The following ANAPC1 variants were observed in gnomAD, a reference collection of about 807,000 sequenced individuals.
ANAPC1 encodes anaphase promoting complex subunit 1, also known as anaphase-promoting complex subunit 1.
ANAPC1 carries 36 observed loss-of-function variants against 208.0 expected under a neutral mutation model. The ratio of observed to expected loss-of-function variants is 0.17; its 90% CI spans 0.13 to 0.23. The LOEUF (loss-of-function observed/expected upper bound fraction) is 0.23, where lower values mean the gene tolerates loss of function less well. ANAPC1 is among the 10% of genes least tolerant of loss of function. The probability of loss-of-function intolerance (pLI) is 1.00; values close to 1 mark genes in which losing one functional copy is unlikely to be tolerated. For missense variants in ANAPC1, 942 were observed against 2,011.6 expected, an observed-to-expected ratio of 0.47 and a Z score of 10.17; for synonymous variants, 378 against 695.2, an observed-to-expected ratio of 0.54 and a Z score of 7.18.
intron 16 of ANAPC1, among the ~76,000 whole-genome samples, chr2:111,844,364 T>TTC (rs1294079849): frequency 2.7e-5 from 4 of 150,522 alleles, no homozygotes; most frequent in Non-Finnish European, 5.9e-5. Flanking sequence ...AGGTCAGGAG[T>TTC]TCGAAACCAG....
At chr2:111,792,697 A>T in intron 37 of ANAPC1, 142 bp from the exon 38 acceptor site, 1 of 581,276 alleles carries the variant, frequency 1.7e-6, no homozygotes, top group Non-Finnish European at 3.0e-6. Flanking sequence ...TCACGCCTGT[A>T]ATCCCAGCAC....
At chr2:111,788,883 A>G (rs1485845622) in intron 38 of ANAPC1, among the ~76,000 whole-genome samples, 52 of 152,162 alleles carry the variant, frequency 3.4e-4, no homozygotes, top group African/African-American at 1.2e-3. Context: ...TCACGCCTGT[A>G]ATCCCAGCAC....
intron 2 of ANAPC1, among the ~76,000 whole-genome samples, chr2:111,880,076 T>C (rs748143139): frequency 2.0e-5 from 3 of 151,868 alleles, no homozygotes; most frequent in Non-Finnish European, 4.4e-5. Context: ...TGACTCACAT[T>C]ATAACACCAC....
chr2:111,838,580 G>A, intron 17 of ANAPC1, 68 bp from the exon 18 acceptor site: 2 of 1,345,520 alleles, frequency 1.5e-6, no homozygotes, highest in Non-Finnish European at 1.0e-6. Context: ...TCAACTTCAA[G>A]GATTCAGAAA....
chr2:111,779,669 G>A (rs1018965836), intron 44 of ANAPC1: 2 of 139,410 alleles, frequency 1.4e-5, no homozygotes, highest in African/African-American at 2.8e-5. Flanking sequence ...AGACTCCATC[G>A]CTACAAAAAA....
Position 111,768,124 on chromosome 2 carries a change from G to A in ANAPC1, c.*1167C>T, listed in dbSNP as rs1274440274. 6.6e-6 allele frequency: 1 copy of A among 152,200 alleles called. No individual in the cohort carries two copies. The highest frequency in any genetic ancestry group is 1.5e-5 in the Non-Finnish European group (1 of 68,046). 9.4% of individuals were successfully genotyped at this position (152,200 alleles called of 1,614,324 possible). Reference sequence around the variant, plus strand: ...GCTTCTACCAGCTTATGATCCCACTGGCCATCCAGGAAGCACAGGACACAT... The same window carrying A: ...GCTTCTACCAGCTTATGATCCCACTAGCCATCCAGGAAGCACAGGACACAT... On this transcript the variant is annotated 3_prime_UTR_variant, in exon 48 of 48. Coordinates refer to ENST00000341068, the MANE Select transcript of ANAPC1 (RefSeq NM_022662.4).
intron 28 of ANAPC1, among the ~76,000 whole-genome samples, chr2:111,813,393 T>C (rs1679088894): frequency 6.6e-6 from 1 of 152,132 alleles, no homozygotes; most frequent in African/African-American, 2.4e-5. Context: ...TCCTTATGGC[T>C]CCATTATGGC....
chr2:111,870,583 A>G (rs757360834), intron 6 of ANAPC1, among the ~76,000 whole-genome samples: 3 of 152,122 alleles, frequency 2.0e-5, no homozygotes, highest in Non-Finnish European at 2.9e-5. Context: ...TGAGTTCCTT[A>G]TATATTCTGG....
At chr2:111,879,120 T>G in intron 2 of ANAPC1, 149 bp from the exon 3 acceptor site, 1 of 828,054 alleles carries the variant, frequency 1.2e-6, no homozygotes, top group Non-Finnish European at 1.9e-6. Flanking sequence ...AGGATGTGGA[T>G]ATATGCATTA....
intron 33 of ANAPC1, among the ~76,000 whole-genome samples, chr2:111,801,698 G>T (rs1449666211): frequency 2.6e-5 from 4 of 151,260 alleles, no homozygotes; most frequent in African/African-American, 9.7e-5. Flanking sequence ...GTTGGGAACC[G>T]TCTTACTCAT....
intron 10 of ANAPC1, among the ~76,000 whole-genome samples, chr2:111,859,027 C>A (rs925070211): frequency 6.6e-5 from 10 of 152,180 alleles, no homozygotes; most frequent in Non-Finnish European, 1.0e-4. Flanking sequence ...ACTAAGCCAC[C>A]TACTTGTAAA....
At chr2:111,844,556 C>A in intron 16 of ANAPC1, among the ~76,000 whole-genome samples, 1 of 133,256 alleles carries the variant, frequency 7.5e-6, no homozygotes, top group African/African-American at 2.7e-5. Flanking sequence ...ATGACTAGAG[C>A]GAAACTCTGT....
At chr2:111,802,678 T>C (rs1050894933) in intron 32 of ANAPC1, 172 bp from the exon 33 acceptor site, 1 of 296,586 alleles carries the variant, frequency 3.4e-6, no homozygotes, top group Non-Finnish European at 6.2e-6. Flanking sequence ...CATGTATGTC[T>C]TACTATAACA....
At chr2:111,846,466 T>A (rs1681066393) in intron 16 of ANAPC1, among the ~76,000 whole-genome samples, 1 of 147,580 alleles carries the variant, frequency 6.8e-6, no homozygotes, top group Non-Finnish European at 1.5e-5. Context: ...CCAAGAATTA[T>A]CTTAGTTGCT....
At position 111,831,447 on chromosome 2, in the gene ANAPC1, A is replaced by G. The variant is rs755226848; in HGVS notation, c.2477-13T>C. The G allele has an allele frequency of 6.3e-7, 1 of 1,577,698 alleles. No homozygotes were observed. The highest frequency in any genetic ancestry group is 8.6e-7 in the Non-Finnish European group (1 of 1,156,456). On this transcript the variant is annotated splice_polypyrimidine_tract_variant and intron_variant, in intron 20 of 47. Transcript: ENST00000341068. ...AATCCTGTTTGACCTTTAAAATTAG[A>G]TAAATATTCAAAAAGACACGAAAAT...
chr2:111,829,434 T>G (rs1370293791), intron 21 of ANAPC1, among the ~76,000 whole-genome samples: 3 of 151,970 alleles, frequency 2.0e-5, no homozygotes, highest in Non-Finnish European at 4.4e-5. Context: ...TGCCAACATT[T>G]GAGAGAAGGG....
chr2:111,850,231 G>C (rs1288537305), intron 14 of ANAPC1, among the ~76,000 whole-genome samples: 1 of 149,776 alleles, frequency 6.7e-6, no homozygotes, highest in Non-Finnish European at 1.5e-5. Context: ...AGGAGATGAA[G>C]ATACAAATAT....
Position 111,805,859 on chromosome 2 carries a change from A to G in ANAPC1, c.3867T>C (p.Thr1289=). 1 of 372,046 alleles carries G rather than the reference A, an allele frequency of 2.7e-6. No homozygotes were observed. The highest frequency in any genetic ancestry group is 4.6e-5 in the East Asian group (1 of 21,552). 23.0% of individuals were successfully genotyped at this position (372,046 alleles called of 1,614,324 possible). A position where few individuals can be genotyped will look rare whatever the true frequency, so the allele number is the denominator to read the frequency against. The change falls in exon 30 of 48, where the codon ACT becomes ACC. Residue 1289 remains threonine (T), a synonymous_variant. Coordinates refer to ENST00000341068, the MANE Select transcript of ANAPC1 (RefSeq NM_022662.4). ...CAGCTAAGGAGTATGACTCTCTGTC[A>G]GTGCAGTATTCCATTTCAGGACCAG... is the stretch of plus-strand genomic sequence containing the variant. ...RPPGPEMEYC[T]DRESYSLAAG... is the part of the protein sequence containing the mutation.
chr2:111,781,633 C>T (rs1350469980), intron 43 of ANAPC1, among the ~76,000 whole-genome samples: 3 of 152,282 alleles, frequency 2.0e-5, no homozygotes, highest in Non-Finnish European at 2.9e-5. Flanking sequence ...CCTTAGGGTC[C>T]TAACTACTTT....
Sources: allele counts gnomAD v4.1 joint callset (sites outside exome capture counted in the v4.1 genomes callset), GRCh38; gene constraint gnomAD v4.1.1; transcripts MANE v1.5; gene names NCBI Gene and HGNC (gene_info 2026-07-23, HGNC 2026-07-21).